DNM3: variants seen among roughly 807,000 people sequenced by gnomAD.
DNM3 encodes the protein dynamin 3, also known as dynamin-3.
Under a neutral mutation model 101.6 loss-of-function variants are expected in DNM3, and 47 were observed. The ratio of observed to expected loss-of-function variants is 0.46; its 90% CI spans 0.37 to 0.59. DNM3 has a LOEUF of 0.59. DNM3 is among the 20% of genes least tolerant of loss of function. The pLI, the probability that DNM3 is intolerant of heterozygous loss-of-function variation, is 0.00. For synonymous variants in DNM3, 385 were observed against 387.9 expected, an observed-to-expected ratio of 0.99 and a Z score of 0.09; for missense variants, 849 against 1,085.7, an observed-to-expected ratio of 0.78 and a Z score of 3.06.
At chr1:171,937,879 G>A (rs2041550986) in intron 2 of DNM3, among the ~76,000 whole-genome samples, 1 of 152,104 alleles carries the variant, frequency 6.6e-6, no homozygotes, top group Non-Finnish European at 1.5e-5. Context: ...CACAATGCCT[G>A]GCCAGATCTG....
At position 172,127,858 on chromosome 1, in the gene DNM3, T is replaced by C. The variant is rs574131979; in HGVS notation, c.1546-3317T>C. 1.6e-4 allele frequency among the ~76,000 whole-genome samples: 25 copies of C among 152,304 alleles called. 1 individual carries two copies. Among genetic ancestry groups the C allele is most frequent in the Admixed American group, 7.8e-4 (12 of 15,306 alleles). ...CCCTGTGACCTATTCTGGTTTTAAC[T>C]GTCTTCCTCTGGGAAGAGCTCTCCC... On this transcript the variant is annotated intron_variant, in intron 13 of 20. Coordinates refer to ENST00000627582, the MANE Select transcript of DNM3 (RefSeq NM_015569.5).
intron 13 of DNM3, among the ~76,000 whole-genome samples, chr1:172,124,548 T>C (rs1212593554): frequency 6.6e-6 from 1 of 152,230 alleles, no homozygotes; most frequent in African/African-American, 2.4e-5. Flanking sequence ...CTAGGCTTCC[T>C]GAGGAGACAT....
chr1:172,205,894 A>G (rs1280413660), intron 14 of DNM3, among the ~76,000 whole-genome samples: 1 of 152,188 alleles, frequency 6.6e-6, no homozygotes, highest in Non-Finnish European at 1.5e-5. Context: ...TTTTCACAGT[A>G]CATGACATTA....
intron 1 of DNM3, among the ~76,000 whole-genome samples, chr1:171,889,168 AG>A (rs2037040456): frequency 6.6e-6 from 1 of 152,036 alleles, no homozygotes. Flanking sequence ...TTGTAGAGAC[AG>A]GGTCTTGCTA....
chr1:172,372,264 G>A (rs562728688), intron 17 of DNM3, among the ~76,000 whole-genome samples: 1 of 151,872 alleles, frequency 6.6e-6, no homozygotes, highest in East Asian at 1.9e-4. Context: ...GCAAATAGGT[G>A]TATGATCCAG....
intron 17 of DNM3, among the ~76,000 whole-genome samples, chr1:172,325,101 T>C (rs1338594654): frequency 6.6e-6 from 1 of 152,172 alleles, no homozygotes; most frequent in African/African-American, 2.4e-5. Context: ...GTGTCATATT[T>C]GATTAAGTTC....
intron 14 of DNM3, among the ~76,000 whole-genome samples, chr1:172,231,796 G>A (rs1336436665): frequency 1.3e-5 from 2 of 152,216 alleles, no homozygotes; most frequent in African/African-American, 2.4e-5. Flanking sequence ...TGTGATGAAT[G>A]CACAAGCTTC....
At chr1:171,933,918 G>A (rs1558288952) in intron 2 of DNM3, among the ~76,000 whole-genome samples, 1 of 152,182 alleles carries the variant, frequency 6.6e-6, no homozygotes, top group Non-Finnish European at 1.5e-5. Flanking sequence ...TGTACTTTTA[G>A]CGGTAGAGAG....
At chr1:172,371,844 TTTTATTTTTA>T (rs1218262051) in intron 17 of DNM3, among the ~76,000 whole-genome samples, 2 of 150,274 alleles carry the variant, frequency 1.3e-5, no homozygotes, top group East Asian at 1.9e-4. Flanking sequence ...TTATTTTTAT[TTTTATTTTTA>T]TTTATTTTTA....
rs528706683 is a variant in DNM3 at position 171,903,142 on chromosome 1, G to A, written c.162-18606G>A. Among the ~76,000 whole-genome samples, 11 of 151,974 alleles carry A rather than the reference G, an allele frequency of 7.2e-5. No homozygotes were observed. In the East Asian group the frequency reaches 2.1e-3, roughly 29 times the overall value. ...TATACTTAAGCCTGGGTGACAGAGCGAGACCCTGTCTCAAAAAATATATAT... is the reference window on the plus strand; with the variant it reads ...TATACTTAAGCCTGGGTGACAGAGCAAGACCCTGTCTCAAAAAATATATAT... On this transcript the variant is annotated intron_variant, in intron 1 of 20. Transcript: ENST00000627582.
rs756344828 is a variant in DNM3, at chr1:172,411,539, A to G, written c.*3698A>G. 3 of 114,368 alleles carry G rather than the reference A, an allele frequency of 2.6e-5. No homozygotes were observed. The highest frequency in any genetic ancestry group is 1.0e-4 in the African/African-American group (3 of 29,376). The allele number at this position is 114,368 out of a possible 1,614,324, so 7.1% of individuals were successfully genotyped here. ...GTCATTTTTCCTCTATGGTAGAAGT[A>G]AAAAAAAAAAAAAAGGACATAGCAA... On this transcript the variant is annotated 3_prime_UTR_variant, in exon 21 of 21. Transcript: ENST00000627582.
chr1:172,016,257 C>G (rs1428199136), intron 4 of DNM3, among the ~76,000 whole-genome samples: 1 of 151,088 alleles, frequency 6.6e-6, no homozygotes, highest in East Asian at 1.9e-4. Flanking sequence ...TGTTCTTTAT[C>G]AAGTTGAGAA....
At chr1:172,303,840 G>C (rs1047694538) in intron 15 of DNM3, among the ~76,000 whole-genome samples, 1 of 152,100 alleles carries the variant, frequency 6.6e-6, no homozygotes, top group Non-Finnish European at 1.5e-5. Context: ...GAGAGATTTT[G>C]TCACCACCAG....
At chr1:172,142,082 C>G (rs998816038) in intron 14 of DNM3, 4 of 151,786 alleles carry the variant, frequency 2.6e-5, no homozygotes, top group Admixed American at 2.6e-4. Flanking sequence ...TTGGACAGAC[C>G]CTGAAACAAT....
intron 4 of DNM3, among the ~76,000 whole-genome samples, chr1:172,019,956 A>G (rs962310620): frequency 6.6e-6 from 1 of 151,838 alleles, no homozygotes; most frequent in Non-Finnish European, 1.5e-5. Context: ...CTCTAACATT[A>G]GAGTTAGAGT....
At chr1:171,878,491 A>C (rs1390111302) in intron 1 of DNM3, among the ~76,000 whole-genome samples, 1 of 152,118 alleles carries the variant, frequency 6.6e-6, no homozygotes, top group Non-Finnish European at 1.5e-5. Flanking sequence ...TCAGATACCA[A>C]GCATGTTTCT....
At chr1:172,084,991 A>C (rs1407277239) in intron 12 of DNM3, among the ~76,000 whole-genome samples, 3 of 152,124 alleles carry the variant, frequency 2.0e-5, no homozygotes, top group African/African-American at 4.8e-5. Context: ...TCTTTCTGTT[A>C]TAGAATTTAT....
intron 17 of DNM3, among the ~76,000 whole-genome samples, chr1:172,362,016 T>C: frequency 6.6e-6 from 1 of 152,102 alleles, no homozygotes; most frequent in East Asian, 1.9e-4. Context: ...ACTTTTCCTG[T>C]AGGCAAGAAT....
chr1:172,259,118 T>TA (rs1211946553), intron 15 of DNM3, among the ~76,000 whole-genome samples: 2 of 152,122 alleles, frequency 1.3e-5, no homozygotes, highest in African/African-American at 4.8e-5. Context: ...AGATACTTGA[T>TA]ATGATTTTGA....
Sources: gnomAD v4.1 joint callset for allele counts (sites outside exome capture counted in the v4.1 genomes callset) on GRCh38, gnomAD v4.1.1 for gene constraint, MANE v1.5 for transcripts, NCBI Gene and HGNC (gene_info 2026-07-23, HGNC 2026-07-21) for gene names.